The following DNAAF1 variants were observed in gnomAD, a reference collection of about 807,000 sequenced individuals.
The protein encoded by DNAAF1 is dynein axonemal assembly factor 1, also known as dynein assembly factor 1, axonemal.
In DNAAF1, 65 loss-of-function variants were observed where a neutral mutation model predicts 71.1. The ratio of observed to expected loss-of-function variants is 0.91; its 90% CI spans 0.75 to 1.12. The LOEUF is 1.12. Among genes scored for constraint, DNAAF1 ranks in the 50% most tolerant of loss-of-function variants. DNAAF1 has a pLI of 0.00. For synonymous variants in DNAAF1, 414 were observed against 354.6 expected, an observed-to-expected ratio of 1.17 and a Z score of -1.88; for missense variants, 1,178 against 899.8, an observed-to-expected ratio of 1.31 and a Z score of -3.96.
At chr16:84,169,714 C>G in intron 7 of DNAAF1, 145 bp from the exon 8 acceptor site, 1 of 1,201,542 alleles carries the variant, frequency 8.3e-7, no homozygotes, top group Non-Finnish European at 1.2e-6. Flanking sequence ...AGCCACCGCG[C>G]CCAGCCCCTT....
At chr16:84,157,811 A>G (rs1054813850) in intron 5 of DNAAF1, among the ~76,000 whole-genome samples, 4 of 152,200 alleles carry the variant, frequency 2.6e-5, no homozygotes, top group Admixed American at 6.5e-5. Context: ...ACTGCAGCAC[A>G]CGGTGAGAAT....
chr16:84,151,048 C>T (rs1255744400), intron 3 of DNAAF1, among the ~76,000 whole-genome samples: 2 of 152,064 alleles, frequency 1.3e-5, no homozygotes, highest in Non-Finnish European at 2.9e-5. Context: ...AATGGAGAGG[C>T]GTGAGCAGGA....
intron 5 of DNAAF1, among the ~76,000 whole-genome samples, chr16:84,158,004 G>A (rs2087522884): frequency 1.3e-5 from 2 of 152,122 alleles, no homozygotes; most frequent in Admixed American, 6.6e-5. Flanking sequence ...TCGGGAGATC[G>A]AGACCTTCCT....
intron 5 of DNAAF1, among the ~76,000 whole-genome samples, chr16:84,157,529 A>C (rs1038700122): frequency 6.6e-5 from 10 of 151,858 alleles, no homozygotes; most frequent in African/African-American, 2.4e-4. Context: ...AAAAAAAAAA[A>C]AATTCCCGTC....
intron 9 of DNAAF1, chr16:84,173,038 AG>A (rs2088449773): frequency 5.0e-6 from 5 of 990,430 alleles, no homozygotes; most frequent in Non-Finnish European, 6.0e-6. Flanking sequence ...GGGCACGAAT[AG>A]GAGAGGCATT....
In DNAAF1 at chr16:84,165,765, T is replaced by C; in HGVS notation, c.864-18T>C. On this transcript the variant is annotated intron_variant, in intron 6 of 11. Transcript: ENST00000378553. ...GGAGTTCACCTCCCCTATTTATGTTTCTTTGTTTTTTAAACAGAGCTTGTG... is the reference window on the plus strand; with the variant it reads ...GGAGTTCACCTCCCCTATTTATGTTCCTTTGTTTTTTAAACAGAGCTTGTG... 6.3e-7 allele frequency: 1 copy of C among 1,590,898 alleles called. No individual in the cohort carries two copies. Among genetic ancestry groups the C allele is most frequent in the Non-Finnish European group, 8.5e-7 (1 of 1,178,548 alleles).
chr16:84,145,958 G>T (rs1334351109), intron 1 of DNAAF1, among the ~76,000 whole-genome samples: 5 of 152,092 alleles, frequency 3.3e-5, no homozygotes, highest in Non-Finnish European at 5.9e-5. Flanking sequence ...TGAGCTGGGC[G>T]TGGTGGCGGG....
chr16:84,175,682 C>G (rs2088614404), intron 10 of DNAAF1: 2 of 535,050 alleles, frequency 3.7e-6, no homozygotes, highest in East Asian at 6.7e-5. Flanking sequence ...TCTCAGGTAC[C>G]AGGAGGGTGA....
chr16:84,174,499 G>C (rs1013479766), intron 9 of DNAAF1, 170 bp from the exon 10 acceptor site: 37 of 1,512,660 alleles, frequency 2.4e-5, no homozygotes, highest in Non-Finnish European at 3.1e-5. Flanking sequence ...CGCTTGCTTT[G>C]TGTGTATCTA....
Position 84,154,606 on chromosome 16 carries a change from T to C in DNAAF1, c.382T>C (p.Tyr128His). ...TGATCGCATTGAGAACCTGGAAGAGTACACAGGGCTGCGCTGTCTCTGGCT... is the reference window on the plus strand; with the variant it reads ...TGATCGCATTGAGAACCTGGAAGAGCACACAGGGCTGCGCTGTCTCTGGCT... ...GFDRIENLEE[Y>H]TGLRCLWLQS... The change falls in exon 4 of 12, where the codon TAC (tyrosine) becomes CAC (histidine). Residue 128 changes from tyrosine (Y) to histidine (H), a missense_variant. By Grantham distance (83) the Tyr-to-His change is moderately conservative (BLOSUM62 2). Transcript: ENST00000378553. 1 of 1,614,032 alleles carries C rather than the reference T, an allele frequency of 6.2e-7. No homozygotes were observed. Among genetic ancestry groups the C allele is most frequent in the Middle Eastern group, 1.7e-4 (1 of 6,052 alleles).
chr16:84,154,478 C>G (rs376402006), intron 3 of DNAAF1, 99 bp from the exon 4 acceptor site: 38 of 1,017,272 alleles, frequency 3.7e-5, no homozygotes, highest in East Asian at 3.5e-4. Flanking sequence ...TGAAGGGACA[C>G]AGACATTCAG....
At chr16:84,151,749 C>T (rs1308122900) in intron 3 of DNAAF1, among the ~76,000 whole-genome samples, 2 of 152,212 alleles carry the variant, frequency 1.3e-5, no homozygotes, top group African/African-American at 2.4e-5. Flanking sequence ...AGCGCAGTCT[C>T]ACTCATTCGA....
chr16:84,157,656 A>T (rs917824158), intron 5 of DNAAF1, among the ~76,000 whole-genome samples: 6 of 152,088 alleles, frequency 3.9e-5, no homozygotes, highest in African/African-American at 1.4e-4. Flanking sequence ...ACTAGGAAAA[A>T]AATACTAAAA....
chr16:84,159,542 C>G (rs955818047), intron 5 of DNAAF1, 133 bp from the exon 6 acceptor site: 1 of 1,250,758 alleles, frequency 8.0e-7, no homozygotes. Context: ...ATCAAGTCAC[C>G]AGGACAGGAT....
intron 11 of DNAAF1, 123 bp from the exon 12 acceptor site, chr16:84,177,606 G>A (rs756486475): frequency 8.5e-6 from 7 of 819,300 alleles, no homozygotes; most frequent in South Asian, 6.7e-5. Context: ...TGGGATTACA[G>A]GTATGAGCCA....
intron 3 of DNAAF1, among the ~76,000 whole-genome samples, chr16:84,151,487 G>C (rs536056162): frequency 6.6e-6 from 1 of 152,274 alleles, no homozygotes; most frequent in Non-Finnish European, 1.5e-5. Flanking sequence ...CAGACTGCCG[G>C]GGGACTGATA....
intron 1 of DNAAF1, among the ~76,000 whole-genome samples, chr16:84,148,031 G>A (rs976928069): frequency 6.6e-6 from 1 of 151,826 alleles, no homozygotes; most frequent in African/African-American, 2.4e-5. Context: ...TCCCGCCACT[G>A]CACTCCAACC....
intron 5 of DNAAF1, among the ~76,000 whole-genome samples, chr16:84,156,809 CT>C: frequency 8.6e-6 from 1 of 116,664 alleles, no homozygotes; most frequent in South Asian, 3.9e-4. Flanking sequence ...TATCATTTTT[CT>C]TTTCTTTTCT....
intron 6 of DNAAF1, among the ~76,000 whole-genome samples, chr16:84,160,320 G>A (rs2087639883): frequency 6.6e-6 from 1 of 152,154 alleles, no homozygotes; most frequent in Non-Finnish European, 1.5e-5. Context: ...TTCTGTCAGT[G>A]ACTTTTTCCA....
Sources: gnomAD v4.1 joint callset for allele counts (sites outside exome capture counted in the v4.1 genomes callset) on GRCh38, gnomAD v4.1.1 for gene constraint, MANE v1.5 for transcripts, NCBI Gene and HGNC (gene_info 2026-07-23, HGNC 2026-07-21) for gene names.